Variants in MPPED1 observed in about 807,000 individuals in gnomAD.
MPPED1 encodes the protein metallophosphoesterase domain containing 1, also known as metallophosphoesterase domain-containing protein 1.
In MPPED1, 16 loss-of-function variants were observed where a neutral mutation model predicts 36.2. That is an observed-to-expected ratio of 0.44 (90% confidence interval 0.30 to 0.67). The LOEUF (loss-of-function observed/expected upper bound fraction) is 0.67. Among genes scored for constraint, MPPED1 ranks in the 30% least tolerant of loss-of-function variants. The pLI, the probability that MPPED1 is intolerant of heterozygous loss-of-function variation, is 0.10. For synonymous variants in MPPED1, 199 were observed against 191.3 expected (o/e 1.04, Z -0.33); for missense variants, 307 against 453.4 (o/e 0.68, Z 2.93).
chr22:43,447,883 ATTTTT>A lies in MPPED1; in HGVS notation c.406+12678_406+12682del, dbSNP rs776108565. 1.2e-3 allele frequency among the ~76,000 whole-genome samples: 82 copies of A among 67,688 alleles called. 3 individuals are homozygous for A. Among genetic ancestry groups the A allele is most frequent in the African/African-American group, 5.3e-3 (79 of 14,920 alleles). The allele number at this position is 67,688 out of a possible 152,430, so 44.4% of individuals were successfully genotyped here. A position where few individuals can be genotyped will look rare whatever the true frequency, so the allele number is the denominator to read the frequency against. ...ATTATATATATATATATATATATAT[ATTTTT>A]TTTTTTTTTAGACAAAGTCTCGCCC... On this transcript the variant is annotated intron_variant, in intron 3 of 6. Coordinates refer to ENST00000443721, the MANE Select transcript of MPPED1 (RefSeq NM_001044370.2).
At chr22:43,437,490 CA>C (rs1930001768) in intron 3 of MPPED1, among the ~76,000 whole-genome samples, 1 of 152,150 alleles carries the variant, frequency 6.6e-6, no homozygotes, top group African/African-American at 2.4e-5. Context: ...AGTGGGACCC[CA>C]GTGCTGAACT....
chr22:43,424,821 C>A (rs1929402345), intron 1 of MPPED1, 87 bp from the exon 2 acceptor site: 21 of 1,432,186 alleles, frequency 1.5e-5, no homozygotes, highest in Non-Finnish European at 1.8e-5. Flanking sequence ...CCCCCGCCCT[C>A]TCCCTCTTTC....
chr22:43,455,660 G>T (rs186940877), intron 3 of MPPED1, among the ~76,000 whole-genome samples: 2 of 152,258 alleles, frequency 1.3e-5, no homozygotes, highest in East Asian at 3.9e-4. Context: ...TGAATCTGTT[G>T]CAGGAAGCTA....
intron 3 of MPPED1, among the ~76,000 whole-genome samples, chr22:43,469,499 G>A (rs1384014506): frequency 6.6e-6 from 1 of 152,234 alleles, no homozygotes; most frequent in Admixed American, 6.5e-5. Context: ...GGGAACACTG[G>A]AAAACTAATG....
chr22:43,488,108 G>C (rs1931969353), intron 4 of MPPED1, among the ~76,000 whole-genome samples: 1 of 152,154 alleles, frequency 6.6e-6, no homozygotes, highest in African/African-American at 2.4e-5. Flanking sequence ...TGTGAGGATT[G>C]AGTCTGGCTG....
chr22:43,444,142 A>T (rs1169993552), intron 3 of MPPED1, among the ~76,000 whole-genome samples: 1 of 152,168 alleles, frequency 6.6e-6, no homozygotes, highest in Non-Finnish European at 1.5e-5. Flanking sequence ...TAGAATTCTA[A>T]GTTGTAGTCA....
chr22:43,489,106 T>G (rs1932005387), intron 4 of MPPED1, among the ~76,000 whole-genome samples: 1 of 151,958 alleles, frequency 6.6e-6, no homozygotes, highest in African/African-American at 2.4e-5. Flanking sequence ...CACGTGGACT[T>G]CGGGCCTGCC....
Position 43,502,575 on chromosome 22 carries a change from G to T in MPPED1, c.749-69G>T. 8.0e-7 allele frequency: 1 copy of T among 1,255,356 alleles called. No homozygotes were observed. Among genetic ancestry groups the T allele is most frequent in the Admixed American group, 1.8e-5 (1 of 56,040 alleles). 77.8% of individuals were successfully genotyped at this position (1,255,356 alleles called of 1,614,324 possible). ...CCTTCTCCAGGCTGCAGAAGCTGCT[G>T]CTAGGCGTGGGGCAGTGAGGGGCTG... On this transcript the variant is annotated intron_variant, in intron 5 of 6. Transcript: ENST00000443721. This position sits in a 1 kb window ranked among gnomAD's most constrained non-coding sequence, Gnocchi z 5.5.
intron 1 of MPPED1, among the ~76,000 whole-genome samples, chr22:43,420,826 C>G (rs1279753487): frequency 6.6e-6 from 1 of 152,206 alleles, no homozygotes; most frequent in Non-Finnish European, 1.5e-5. Flanking sequence ...TATTGTCCCC[C>G]CTCCACCCCG....
chr22:43,453,072 C>T lies in MPPED1; in HGVS notation c.406+17857C>T, dbSNP rs193100916. Among the ~76,000 whole-genome samples the T allele has an allele frequency of 5.6e-3, 847 of 151,976 alleles. 2 individuals carry two copies. Among genetic ancestry groups the T allele is most frequent in the African/African-American group, 0.019 (797 of 41,414 alleles). ...TCAAGTGATTCTCCTGCCTCAGCCT[C>T]CCGAGTAGCTGGGACTACAGGCACC... On this transcript the variant is annotated intron_variant, in intron 3 of 6. Transcript: ENST00000443721.
chr22:43,500,514 AGGAG>A (rs1932702039), intron 5 of MPPED1, among the ~76,000 whole-genome samples: 1 of 151,218 alleles, frequency 6.6e-6, no homozygotes, highest in African/African-American at 2.4e-5. Flanking sequence ...TTACATCAGC[AGGAG>A]GGAGTTTTCT....
Position 43,502,742 on chromosome 22 carries a change from G to A in MPPED1, c.847G>A (p.Gly283Ser). The change falls in exon 6 of 7, where the codon GGC (glycine) becomes AGC (serine). Residue 283 changes from glycine (G) to serine (S), a missense_variant. Coordinates refer to ENST00000443721, the MANE Select transcript of MPPED1 (RefSeq NM_001044370.2). The surrounding 1 kb of genome is among the most constrained non-coding windows in gnomAD (Gnocchi z 5.5). Reference sequence around the variant, plus strand: ...CGTCCAGCCGCGGTTACATGTCTTTGGCCACATCCACGAAGGTCAGTACGT... The same window carrying A: ...CGTCCAGCCGCGGTTACATGTCTTTAGCCACATCCACGAAGGTCAGTACGT... ...RRVQPRLHVF[G>S]HIHEGYGVMA... 1.2e-6 allele frequency: 2 copies of A among 1,613,312 alleles called. No homozygotes were observed. Among genetic ancestry groups the A allele is most frequent in the Non-Finnish European group, 1.7e-6 (2 of 1,179,860 alleles).
intron 3 of MPPED1, among the ~76,000 whole-genome samples, chr22:43,469,895 CATCT>C (rs143360359): frequency 0.015 from 2,254 of 152,154 alleles, 70 homozygotes; most frequent in African/African-American, 0.052. Context: ...GTCTATAAAC[CATCT>C]ATCCGTCCAT....
intron 3 of MPPED1, among the ~76,000 whole-genome samples, chr22:43,464,289 C>CTGTGTGTG (rs1491290628): frequency 1.9e-5 from 2 of 105,098 alleles, no homozygotes; most frequent in African/African-American, 4.4e-5. Context: ...TGTTGGTCAG[C>CTGTGTGTG]TCTGTGTGTG....
At chr22:43,419,479 A>T (rs1164243366) in intron 1 of MPPED1, among the ~76,000 whole-genome samples, 1 of 151,762 alleles carries the variant, frequency 6.6e-6, no homozygotes, top group African/African-American at 2.4e-5. Context: ...TCAAGGCAGG[A>T]CCCCCTCTGT....
chr22:43,444,279 GGTGTGT>G (rs35340638), intron 3 of MPPED1, among the ~76,000 whole-genome samples: 2,794 of 141,968 alleles, frequency 0.02, 38 homozygotes, highest in South Asian at 0.033. Flanking sequence ...GACCCACTGG[GGTGTGT>G]GTGTGTGTGT....
At chr22:43,445,719 C>T (rs1006519663) in intron 3 of MPPED1, among the ~76,000 whole-genome samples, 1 of 151,760 alleles carries the variant, frequency 6.6e-6, no homozygotes, top group Non-Finnish European at 1.5e-5. Context: ...TACAGGCATG[C>T]ACCACCATGC....
chr22:43,430,260 C>T (rs376270813), intron 2 of MPPED1, among the ~76,000 whole-genome samples: 9 of 152,290 alleles, frequency 5.9e-5, no homozygotes, highest in East Asian at 3.9e-4. Flanking sequence ...GGGCTTTTGG[C>T]GCCAGGAACT....
chr22:43,496,142 A>G (rs866760448), intron 4 of MPPED1, among the ~76,000 whole-genome samples: 1,539 of 3,940 alleles, frequency 0.39, 4 homozygotes, highest in Admixed American at 0.43. Context: ...GGAGGTGGTG[A>G]TGGTGGAGGT....
Sources: gnomAD v4.1 joint callset for allele counts (sites outside exome capture counted in the v4.1 genomes callset) on GRCh38, gnomAD v4.1.1 for gene constraint, Gnocchi (gnomAD v3.1) non-coding constraint, MANE v1.5 for transcripts, NCBI Gene and HGNC (gene_info 2026-07-23, HGNC 2026-07-21) for gene names.